Variants in GALNTL6 observed in about 807,000 individuals in gnomAD.
The protein encoded by GALNTL6 is polypeptide N-acetylgalactosaminyltransferase like 6, also known as polypeptide N-acetylgalactosaminyltransferase-like 6.
A neutral mutation model predicts 73.7 loss-of-function variants in GALNTL6; 46 were observed. The ratio of observed to expected loss-of-function variants is 0.62; its 90% confidence interval spans 0.49 to 0.80. The LOEUF is 0.80. Ranked by LOEUF, GALNTL6 falls within the 30% of genes least tolerant of loss-of-function variation. The probability of loss-of-function intolerance (pLI) is 0.00; values close to 1 mark genes in which losing one functional copy is unlikely to be tolerated. For missense variants in GALNTL6, 604 were observed against 755.0 expected, an observed-to-expected ratio of 0.80 and a Z score of 2.34; for synonymous variants, 259 against 263.7, an observed-to-expected ratio of 0.98 and a Z score of 0.17.
At chr4:172,249,225 G>A (rs773730708) in intron 3 of GALNTL6, among the ~76,000 whole-genome samples, 1 of 152,178 alleles carries the variant, frequency 6.6e-6, no homozygotes, top group South Asian at 2.1e-4. Context: ...TCAGGAACTG[G>A]AGTAAGGTCA....
intron 5 of GALNTL6, among the ~76,000 whole-genome samples, chr4:172,563,566 T>C (rs1736453887): frequency 6.6e-6 from 1 of 152,242 alleles, no homozygotes. Context: ...TACTCAAAGA[T>C]GAGCATGTGC....
intron 7 of GALNTL6, among the ~76,000 whole-genome samples, chr4:172,814,740 A>G (rs931695022): frequency 6.6e-6 from 1 of 152,180 alleles, no homozygotes; most frequent in Non-Finnish European, 1.5e-5. Context: ...TACAATCAAC[A>G]TTTCATAATG....
At chr4:172,988,609 A>C (rs1234025738) in intron 10 of GALNTL6, among the ~76,000 whole-genome samples, 1 of 152,220 alleles carries the variant, frequency 6.6e-6, no homozygotes, top group Non-Finnish European at 1.5e-5. Context: ...TGCCTTGAAG[A>C]TGTTTCAGAG....
chr4:172,947,048 G>A (rs1749202701), intron 9 of GALNTL6, among the ~76,000 whole-genome samples: 1 of 152,122 alleles, frequency 6.6e-6, no homozygotes, highest in Admixed American at 6.6e-5. Context: ...AAAGACAGAA[G>A]GAGGAAATTT....
At chr4:172,832,846 G>A (rs1742709590) in intron 7 of GALNTL6, among the ~76,000 whole-genome samples, 1 of 152,138 alleles carries the variant, frequency 6.6e-6, no homozygotes, top group Admixed American at 6.5e-5. Flanking sequence ...CACTAGACAG[G>A]ACAAAATCGT....
At chr4:172,901,395 G>A (rs747395826) in intron 8 of GALNTL6, among the ~76,000 whole-genome samples, 22 of 152,086 alleles carry the variant, frequency 1.4e-4, no homozygotes, top group Non-Finnish European at 2.9e-4. Context: ...TCAAACATCT[G>A]CATTTTGGAA....
chr4:172,700,246 T>G (rs917619401), intron 5 of GALNTL6, among the ~76,000 whole-genome samples: 19 of 152,280 alleles, frequency 1.2e-4, no homozygotes, highest in African/African-American at 4.3e-4. Context: ...TCAAAGTAAT[T>G]GGGTTTCTCC....
intron 2 of GALNTL6, among the ~76,000 whole-genome samples, chr4:172,047,537 G>A (rs1742256891): frequency 6.6e-6 from 1 of 152,024 alleles, no homozygotes; most frequent in Non-Finnish European, 1.5e-5. Flanking sequence ...TAAAATCAGC[G>A]ACTGAGTTGC....
intron 5 of GALNTL6, among the ~76,000 whole-genome samples, chr4:172,428,128 A>G (rs1407022214): frequency 6.6e-6 from 1 of 152,170 alleles, no homozygotes; most frequent in African/African-American, 2.4e-5. Context: ...TTCAGTTACC[A>G]TAGATCATTA....
At position 172,860,942 on chromosome 4, in the gene GALNTL6, G is replaced by T. The variant is rs112078477; in HGVS notation, c.924-21848G>T. 5.4e-3 allele frequency among the ~76,000 whole-genome samples: 828 copies of T among 152,238 alleles called. 9 individuals carry two copies. The highest frequency in any genetic ancestry group is 0.018 in the African/African-American group (754 of 41,542). On this transcript the variant is annotated intron_variant, in intron 7 of 12. Transcript: ENST00000506823. ...AGTGCTATGCTTAATAAGTGCTTAA[G>T]TGGATACAGAATCCCATATGGCCTC...
chr4:172,009,427 C>T (rs74494954), intron 2 of GALNTL6, among the ~76,000 whole-genome samples: 3,635 of 152,202 alleles, frequency 0.024, 163 homozygotes, highest in African/African-American at 0.081. Context: ...GGTCTACCCC[C>T]TGTGCCTGTC....
In GALNTL6 at chr4:172,348,642, G is replaced by A. The variant is rs201460369; in HGVS notation, c.506G>A (p.Gly169Glu). Residue 169 changes from glycine (G) to glutamate (E), a missense_variant, in exon 5 of 13, where the codon GGG becomes GAG. Transcript: ENST00000506823. ...TIHSIINRTPGSLIAEIILVD... is the reference protein window; with the variant it reads ...TIHSIINRTPESLIAEIILVD... ...CACAGTATAATTAACCGAACCCCAGGGAGTCTGATAGCAGAAATCATTCTA... is the reference window on the plus strand; with the variant it reads ...CACAGTATAATTAACCGAACCCCAGAGAGTCTGATAGCAGAAATCATTCTA... The A allele has an allele frequency of 2.0e-5, 32 of 1,611,534 alleles. No individual in the cohort carries two copies. The East Asian group carries it at 3.3e-4, about 17-fold the overall frequency.
At chr4:172,503,338 T>C (rs184804025) in intron 5 of GALNTL6, among the ~76,000 whole-genome samples, 2 of 152,164 alleles carry the variant, frequency 1.3e-5, no homozygotes, top group Admixed American at 1.3e-4. Context: ...AGCAAGCTAA[T>C]GCACTTAGCT....
intron 5 of GALNTL6, among the ~76,000 whole-genome samples, chr4:172,530,557 G>A (rs1261675143): frequency 6.6e-6 from 1 of 152,136 alleles, no homozygotes; most frequent in Non-Finnish European, 1.5e-5. Flanking sequence ...AACCACAGCT[G>A]TCTTGTTAAT....
intron 2 of GALNTL6, among the ~76,000 whole-genome samples, chr4:171,990,483 A>G (rs1315554434): frequency 2.0e-5 from 3 of 152,176 alleles, no homozygotes; most frequent in Non-Finnish European, 4.4e-5. Flanking sequence ...TCAATTTATT[A>G]TTCTGCTACT....
At chr4:171,934,062 T>C (rs1016965382) in intron 2 of GALNTL6, among the ~76,000 whole-genome samples, 9 of 152,314 alleles carry the variant, frequency 5.9e-5, no homozygotes, top group African/African-American at 2.2e-4. Flanking sequence ...TTTTAACATA[T>C]CTTCTGTTTA....
rs1236181017 is a variant in GALNTL6, at chr4:172,069,408, CAT to C, written c.139-160243_139-160242del. 5.3e-5 allele frequency among the ~76,000 whole-genome samples: 5 copies of C among 95,044 alleles called. 1 individual carries two copies. The highest frequency in any genetic ancestry group is 2.3e-4 in the East Asian group (1 of 4,392). 62.4% of individuals were successfully genotyped at this position (95,044 alleles called of 152,430 possible). A position where few individuals can be genotyped will look rare whatever the true frequency, so the allele number is the denominator to read the frequency against. ...GTGTACATATGTGTTATATATAACA[CAT>C]ATATGTTATATATAACACACATATA... On this transcript the variant is annotated intron_variant, in intron 2 of 12. Transcript: ENST00000506823.
intron 2 of GALNTL6, among the ~76,000 whole-genome samples, chr4:171,939,415 T>A (rs2111009776): frequency 6.6e-6 from 1 of 152,144 alleles, no homozygotes; most frequent in East Asian, 1.9e-4. Context: ...TTGCTGTATA[T>A]ACTAGCAAAA....
At chr4:172,768,373 G>A (rs1279241807) in intron 5 of GALNTL6, among the ~76,000 whole-genome samples, 2 of 152,172 alleles carry the variant, frequency 1.3e-5, no homozygotes, top group African/African-American at 2.4e-5. Flanking sequence ...GGTATGGGAG[G>A]TCCCCAAACG....
Sources: allele counts gnomAD v4.1 joint callset (sites outside exome capture counted in the v4.1 genomes callset), GRCh38; gene constraint gnomAD v4.1.1; transcripts MANE v1.5; gene names NCBI Gene and HGNC (gene_info 2026-07-23, HGNC 2026-07-21).